The following RBPJ variants were observed in gnomAD, a reference collection of about 807,000 sequenced individuals.
RBPJ encodes recombining binding protein suppressor of hairless.
RBPJ carries 9 observed loss-of-function variants against 67.8 expected under a neutral mutation model. The ratio of observed to expected loss-of-function variants is 0.13; its 90% CI spans 0.08 to 0.23. RBPJ has a LOEUF of 0.23. RBPJ is among the 10% of genes least tolerant of loss of function. RBPJ has a pLI of 1.00. For synonymous variants in RBPJ, 198 were observed against 203.3 expected (o/e 0.97, Z 0.22); for missense variants, 305 against 595.6 (o/e 0.51, Z 5.08).
chr4:26,300,791 C>T (rs981378502), intron 1 of RBPJ, among the ~76,000 whole-genome samples: 21 of 152,172 alleles, frequency 1.4e-4, no homozygotes, highest in African/African-American at 4.8e-4. Context: ...TCAGGAAATT[C>T]TTCTTTTTGA....
chr4:26,398,892 G>A (rs1272734065), intron 2 of RBPJ, among the ~76,000 whole-genome samples: 2 of 152,144 alleles, frequency 1.3e-5, no homozygotes, highest in Non-Finnish European at 2.9e-5. Context: ...GATTACAGGC[G>A]GGAGCCACCT....
At chr4:26,122,586 C>G in the RBPJ span, among the ~76,000 whole-genome samples, 1 of 152,134 alleles carries the variant, frequency 6.6e-6, no homozygotes, top group Admixed American at 6.5e-5. Flanking sequence ...ATTAACATTT[C>G]TTGGAATTTT....
intron 1 of RBPJ, among the ~76,000 whole-genome samples, chr4:26,381,262 T>A (rs1730299821): frequency 6.6e-6 from 1 of 152,038 alleles, no homozygotes; most frequent in African/African-American, 2.4e-5. Context: ...AAGCAAATTA[T>A]GTGGTTTGGG....
intron 1 of RBPJ, among the ~76,000 whole-genome samples, chr4:26,231,203 G>A (rs1318016557): frequency 6.6e-6 from 1 of 152,172 alleles, no homozygotes; most frequent in Non-Finnish European, 1.5e-5. Context: ...AAAGGCTAGA[G>A]CCTCAAGGAG....
At chr4:26,321,157 CCGCGGGGGCGGCGTCGCGTGCGCCGAG>C (rs1041742437) in intron 1 of RBPJ, 109 bp downstream of exon 1, 4 of 624,326 alleles carry the variant, frequency 6.4e-6, no homozygotes, top group African/African-American at 5.9e-5. Context: ...GTTCGGGGGC[CCGCGGGGGCGGCGTCGCGTGCGCCGAG>C]CGCGGCGGCG....
chr4:26,277,274 C>CAAAAAAGAAAA (rs1721116179), intron 1 of RBPJ, among the ~76,000 whole-genome samples: 1 of 113,442 alleles, frequency 8.8e-6, no homozygotes, highest in African/African-American at 3.1e-5. Flanking sequence ...CCTGTTTGTT[C>CAAAAAAGAAAA]AAAAAAAAAA....
rs111992158 is a variant in RBPJ at position 26,398,856 on chromosome 4, C to A, written c.60-7319C>A. Among the ~76,000 whole-genome samples the A allele has an allele frequency of 7.2e-5, 11 of 152,248 alleles. 1 individual carries two copies. The highest frequency in any genetic ancestry group is 2.6e-4 in the African/African-American group (11 of 41,544). ...CTTGAACTCCTGACCTTGTGATCTG[C>A]CTGCCTCAGCCTCCCAAAGTGCTGG... is the stretch of plus-strand genomic sequence containing the variant. On this transcript the variant is annotated intron_variant, in intron 2 of 10. Coordinates refer to ENST00000355476, the MANE Select transcript of RBPJ (RefSeq NM_015874.6).
At chr4:26,304,606 A>G (rs1389156333) in intron 1 of RBPJ, among the ~76,000 whole-genome samples, 2 of 152,118 alleles carry the variant, frequency 1.3e-5, no homozygotes, top group Admixed American at 1.3e-4. Flanking sequence ...GATACTGAAT[A>G]TTTTTTCATG....
the RBPJ span, among the ~76,000 whole-genome samples, chr4:26,122,816 A>T: frequency 1.3e-5 from 2 of 152,160 alleles, no homozygotes; most frequent in African/African-American, 4.8e-5. Flanking sequence ...GCAACCTACC[A>T]TTGCAGGGAG....
chr4:26,349,100 G>T (rs922485591), intron 1 of RBPJ, among the ~76,000 whole-genome samples: 1 of 151,062 alleles, frequency 6.6e-6, no homozygotes, highest in African/African-American at 2.4e-5. Context: ...GCGCGCGCAC[G>T]CACTTGCCAG....
chr4:26,375,640 A>G (rs1729640796), intron 1 of RBPJ, among the ~76,000 whole-genome samples: 1 of 152,224 alleles, frequency 6.6e-6, no homozygotes, highest in Admixed American at 6.5e-5. Context: ...AAGAGAGAAA[A>G]TGCAAGGAAG....
the RBPJ span, among the ~76,000 whole-genome samples, chr4:26,138,950 T>C: frequency 6.6e-6 from 1 of 152,234 alleles, no homozygotes; most frequent in Non-Finnish European, 1.5e-5. Context: ...GAGATTGCTC[T>C]GCGCTCAAGA....
the RBPJ span, among the ~76,000 whole-genome samples, chr4:26,125,941 T>C: frequency 1.3e-5 from 2 of 152,116 alleles, no homozygotes; most frequent in Non-Finnish European, 1.5e-5. Context: ...TCTCTCCAGG[T>C]GTGCGGATGG....
the RBPJ span, among the ~76,000 whole-genome samples, chr4:26,136,724 G>A: frequency 2.0e-5 from 3 of 152,210 alleles, no homozygotes; most frequent in African/African-American, 7.2e-5. Flanking sequence ...TTAAAACCAG[G>A]TATTTTGTGC....
At position 26,420,725 on chromosome 4, in the gene RBPJ, T is replaced by C; in HGVS notation, c.496T>C (p.Leu166=). 2.5e-6 allele frequency: 4 copies of C among 1,606,356 alleles called. No homozygotes were observed. The highest frequency in any genetic ancestry group is 3.4e-6 in the Non-Finnish European group (4 of 1,176,512). The change falls in exon 5 of 11, where the codon TTA becomes CTA. Residue 166 remains leucine, a splice_region_variant and synonymous_variant. Transcript: ENST00000355476. ...GAAGCAGTCATTGAAAAATGCTGACTGTATGTATGCTTTTCTTATTTATCC... is the reference window on the plus strand; with the variant it reads ...GAAGCAGTCATTGAAAAATGCTGACCGTATGTATGCTTTTCTTATTTATCC... The part of the protein sequence containing the change: ...KKKQSLKNAD[L]CIASGTKVAL...
chr4:26,356,926 C>A (rs1402899940), intron 1 of RBPJ, among the ~76,000 whole-genome samples: 4 of 152,102 alleles, frequency 2.6e-5, no homozygotes, highest in Admixed American at 2.6e-4. Context: ...GAATAGATAT[C>A]ATTCGAAGTT....
the RBPJ span, among the ~76,000 whole-genome samples, chr4:26,121,807 G>A: frequency 2.7e-5 from 4 of 150,566 alleles, no homozygotes; most frequent in Admixed American, 6.6e-5. Context: ...TAAATGTTAC[G>A]TCACACACCC....
intron 1 of RBPJ, among the ~76,000 whole-genome samples, chr4:26,246,017 T>A (rs1432015881): frequency 6.6e-6 from 1 of 152,238 alleles, no homozygotes; most frequent in Non-Finnish European, 1.5e-5. Flanking sequence ...AACTTGTTCT[T>A]CTTTAAAAGA....
chr4:26,232,792 G>T (rs533499153), intron 1 of RBPJ, among the ~76,000 whole-genome samples: 1 of 152,274 alleles, frequency 6.6e-6, no homozygotes, highest in Non-Finnish European at 1.5e-5. Flanking sequence ...AAATGGCTTG[G>T]ATCTCTCTGT....
Sources: gnomAD v4.1 joint callset for allele counts (sites outside exome capture counted in the v4.1 genomes callset) on GRCh38, gnomAD v4.1.1 for gene constraint, MANE v1.5 for transcripts, NCBI Gene and HGNC (gene_info 2026-07-23, HGNC 2026-07-21) for gene names.